ADAMTS9: variants seen among roughly 807,000 people sequenced by gnomAD.
The protein encoded by ADAMTS9 is A disintegrin and metalloproteinase with thrombospondin motifs 9.
In ADAMTS9, 107 loss-of-function variants were observed where a neutral mutation model predicts 257.1. The observed-to-expected ratio is 0.42, with a 90% CI of 0.36 to 0.49. The LOEUF (loss-of-function observed/expected upper bound fraction) is 0.49, where lower values mean the gene tolerates loss of function less well. Among genes scored for constraint, ADAMTS9 ranks in the 20% least tolerant of loss-of-function variants. The probability of loss-of-function intolerance (pLI) is 0.03; values close to 1 mark genes in which losing one functional copy is unlikely to be tolerated. For missense variants in ADAMTS9, 2,353 were observed against 2,469.1 expected (o/e 0.95, Z 1.00); for synonymous variants, 982 against 880.9 (o/e 1.11, Z -2.03).
At chr3:64,615,540 C>T (rs1186147987) in intron 20 of ADAMTS9, 55 bp from the exon 21 acceptor site, 2 of 1,521,830 alleles carry the variant, frequency 1.3e-6, no homozygotes, top group African/African-American at 1.4e-5. Context: ...ATAAAGTATG[C>T]TGAAGATCCT....
intron 30 of ADAMTS9, among the ~76,000 whole-genome samples, chr3:64,560,874 C>T (rs1481531925): frequency 6.6e-6 from 1 of 151,948 alleles, no homozygotes; most frequent in Non-Finnish European, 1.5e-5. Flanking sequence ...CTAATTCTTT[C>T]CCCCCCTTTT....
chr3:64,568,287 TAG>T, intron 29 of ADAMTS9, 79 bp downstream of exon 29: 3 of 1,491,456 alleles, frequency 2.0e-6, no homozygotes, highest in Non-Finnish European at 2.7e-6. Context: ...AAACCGTGCA[TAG>T]AAACACAAGT....
At chr3:64,544,236 C>A (rs199870790) in intron 32 of ADAMTS9, among the ~76,000 whole-genome samples, 17 of 152,152 alleles carry the variant, frequency 1.1e-4, no homozygotes, top group East Asian at 1.9e-4. Flanking sequence ...GCTACCAATG[C>A]CTTTCTTCAC....
intron 22 of ADAMTS9, among the ~76,000 whole-genome samples, chr3:64,612,953 T>G (rs892880569): frequency 6.6e-6 from 1 of 152,202 alleles, no homozygotes; most frequent in Non-Finnish European, 1.5e-5. Flanking sequence ...CCAAAATATC[T>G]TTTCCAAATC....
intron 11 of ADAMTS9, among the ~76,000 whole-genome samples, chr3:64,645,363 A>T (rs1465060401): frequency 6.6e-6 from 1 of 152,216 alleles, no homozygotes; most frequent in Non-Finnish European, 1.5e-5. Flanking sequence ...TAATGGACTT[A>T]AGAGAGTGGA....
intron 29 of ADAMTS9, 22 bp downstream of exon 29, chr3:64,568,346 G>A (rs375723923): frequency 2.9e-5 from 47 of 1,599,014 alleles, no homozygotes; most frequent in Non-Finnish European, 3.9e-5. Context: ...GAAGCAGTCA[G>A]TAGAGGAGAA....
chr3:64,659,187 G>T (rs1263252679), intron 3 of ADAMTS9, among the ~76,000 whole-genome samples: 1 of 152,208 alleles, frequency 6.6e-6, no homozygotes, highest in Non-Finnish European at 1.5e-5. Flanking sequence ...TTAAATGGAG[G>T]CTGGGCACGG....
intron 38 of ADAMTS9, among the ~76,000 whole-genome samples, chr3:64,526,985 T>C (rs1313103640): frequency 6.6e-6 from 1 of 152,208 alleles, no homozygotes; most frequent in Non-Finnish European, 1.5e-5. Context: ...CAATACTGGA[T>C]TTATACCATT....
intron 28 of ADAMTS9, among the ~76,000 whole-genome samples, chr3:64,586,156 A>G (rs1306500715): frequency 6.6e-6 from 1 of 152,288 alleles, no homozygotes; most frequent in East Asian, 1.9e-4. Context: ...AGTGAGATCA[A>G]CTAAGCAACT....
At chr3:64,556,517 TC>T (rs1427422758) in intron 30 of ADAMTS9, among the ~76,000 whole-genome samples, 1 of 152,144 alleles carries the variant, frequency 6.6e-6, no homozygotes, top group African/African-American at 2.4e-5. Flanking sequence ...AGATGGAGTC[TC>T]ACTATGTTGC....
Position 64,642,010 on chromosome 3 carries a change from G to A in ADAMTS9, c.1711-17C>T, listed in dbSNP as rs756478397. On this transcript the variant is annotated splice_polypyrimidine_tract_variant and intron_variant, in intron 11 of 39. Transcript: ENST00000498707. ...CTTGCAGTGCTGTATTTAATAAGGG[G>A]AATAGTGAGGGAGACTTGGCGCTGT... The A allele has an allele frequency of 1.9e-6, 3 of 1,613,524 alleles. No homozygotes were observed. In the African/African-American group the frequency reaches 4.0e-5, roughly 22 times the overall value.
intron 16 of ADAMTS9, among the ~76,000 whole-genome samples, chr3:64,628,035 C>T (rs181539672): frequency 4.6e-5 from 7 of 152,200 alleles, no homozygotes; most frequent in East Asian, 1.9e-4. Flanking sequence ...TCTGAGGTCT[C>T]GACTTTCACA....
At chr3:64,641,692 T>C (rs1489213963) in intron 12 of ADAMTS9, among the ~76,000 whole-genome samples, 156 bp downstream of exon 12, 1 of 152,044 alleles carries the variant, frequency 6.6e-6, no homozygotes, top group Admixed American at 6.5e-5. Flanking sequence ...TGCCTGGGAA[T>C]AGACTTTGGG....
intron 4 of ADAMTS9, among the ~76,000 whole-genome samples, chr3:64,657,070 T>G (rs1023433389): frequency 6.6e-6 from 1 of 152,144 alleles, no homozygotes; most frequent in Non-Finnish European, 1.5e-5. Flanking sequence ...ATACAGTATG[T>G]GAAAATGCCT....
In ADAMTS9 at chr3:64,647,860, A is replaced by G. The variant is rs111634772; in HGVS notation, c.1710+80T>C. The G allele has an allele frequency of 8.2e-5, 101 of 1,229,470 alleles. No individual in the cohort carries two copies. The African/African-American group carries it at 1.2e-3, about 15-fold the overall frequency. The allele number at this position is 1,229,470 out of a possible 1,614,324, so 76.2% of individuals were successfully genotyped here. ...ACAGACTGCATTGTCTTATATTCTAAACATCGGTGTCTGATCATACACCCA... is the reference window on the plus strand; with the variant it reads ...ACAGACTGCATTGTCTTATATTCTAGACATCGGTGTCTGATCATACACCCA... On this transcript the variant is annotated intron_variant, in intron 11 of 39. Transcript: ENST00000498707.
At chr3:64,567,296 G>A (rs17071100) in intron 29 of ADAMTS9, among the ~76,000 whole-genome samples, 1,871 of 152,246 alleles carry the variant, frequency 0.012, 48 homozygotes, top group African/African-American at 0.041. Context: ...GCTAGAGCCC[G>A]CCAACCTTGA....
At chr3:64,654,817 G>A in intron 6 of ADAMTS9, 1 of 582,878 alleles carries the variant, frequency 1.7e-6, no homozygotes, top group Non-Finnish European at 3.0e-6. Flanking sequence ...ACATTAAGAA[G>A]TTTTCTTCTG....
At chr3:64,576,743 C>T (rs931836373) in intron 28 of ADAMTS9, among the ~76,000 whole-genome samples, 4 of 152,186 alleles carry the variant, frequency 2.6e-5, no homozygotes, top group Non-Finnish European at 5.9e-5. Flanking sequence ...CCCACTGCCC[C>T]CCAACACTCC....
intron 28 of ADAMTS9, among the ~76,000 whole-genome samples, chr3:64,573,742 A>G (rs2083759582): frequency 6.6e-6 from 1 of 152,256 alleles, no homozygotes; most frequent in Non-Finnish European, 1.5e-5. Flanking sequence ...CCCAAGGTTC[A>G]GGACTGCCTT....
Sources: gnomAD v4.1 joint callset for allele counts (sites outside exome capture counted in the v4.1 genomes callset) on GRCh38, gnomAD v4.1.1 for gene constraint, MANE v1.5 for transcripts, NCBI Gene and HGNC (gene_info 2026-07-23, HGNC 2026-07-21) for gene names.